ZNF875: variants seen among roughly 807,000 people sequenced by gnomAD.
The protein encoded by ZNF875 is HKR1, GLI-Kruppel zinc finger family member.
Under a neutral mutation model 11.2 loss-of-function variants are expected in ZNF875, and 14 were observed. The ratio of observed to expected loss-of-function variants is 1.26; its 90% CI spans 0.83 to 1.96. The LOEUF (loss-of-function observed/expected upper bound fraction) is 1.96. ZNF875 is among the 30% of genes most tolerant of loss of function. ZNF875 has a pLI of 0.00. For missense variants in ZNF875, 752 were observed against 760.4 expected, an observed-to-expected ratio of 0.99 and a Z score of 0.13; for synonymous variants, 301 against 281.1, an observed-to-expected ratio of 1.07 and a Z score of -0.71.
chr19:37,339,552 T>TG (rs1339244273), intron 2 of ZNF875, among the ~76,000 whole-genome samples: 1 of 147,054 alleles, frequency 6.8e-6, no homozygotes. Context: ...CAGTTTTTTT[T>TG]TTTTTTTTTT....
upstream of ZNF875, among the ~76,000 whole-genome samples, chr19:37,316,191 AT>A (rs758229265): frequency 6.6e-6 from 1 of 152,236 alleles, no homozygotes; most frequent in Non-Finnish European, 1.5e-5. Flanking sequence ...TGACAAGTCA[AT>A]TAAATTACAG....
upstream of ZNF875, chr19:37,317,825 T>C (rs1007066831): frequency 5.2e-5 from 8 of 152,546 alleles, no homozygotes; most frequent in Admixed American, 3.9e-4. Context: ...AAACAGACTG[T>C]CCGCCTACTA....
At chr19:37,327,028 T>C (rs1452286081) in intron 4 of ZNF875, among the ~76,000 whole-genome samples, 1 of 152,008 alleles carries the variant, frequency 6.6e-6, no homozygotes, top group African/African-American at 2.4e-5. Context: ...AGTCTTGCTC[T>C]GTCTCCCAGG....
chr19:37,357,411 G>A (rs542844481), intron 4 of ZNF875, among the ~76,000 whole-genome samples: 17 of 152,282 alleles, frequency 1.1e-4, no homozygotes, highest in African/African-American at 3.4e-4. Context: ...TGAATCTGTA[G>A]ATTGCTTTGG....
At chr19:37,350,026 G>T (rs1236301037) in intron 4 of ZNF875, among the ~76,000 whole-genome samples, 2 of 128,450 alleles carry the variant, frequency 1.6e-5, no homozygotes, top group Non-Finnish European at 3.2e-5. Flanking sequence ...GTGCAAAGGC[G>T]CAATCTCGGC....
At chr19:37,326,463 T>C (rs2032455727) in intron 4 of ZNF875, among the ~76,000 whole-genome samples, 1 of 152,178 alleles carries the variant, frequency 6.6e-6, no homozygotes, top group South Asian at 2.1e-4. Flanking sequence ...CTGTCTTACA[T>C]TCAAGGGTCA....
intron 2 of ZNF875, among the ~76,000 whole-genome samples, chr19:37,336,297 AT>A (rs34434733): frequency 0.27 from 33,097 of 124,206 alleles, 3,912 homozygotes; most frequent in African/African-American, 0.41. Context: ...TTAAGATTGA[AT>A]TTTTTTTTTT....
At chr19:37,333,574 A>T (rs1415919859), upstream of ZNF875, among the ~76,000 whole-genome samples, 1 of 152,066 alleles carries the variant, frequency 6.6e-6, no homozygotes, top group Non-Finnish European at 1.5e-5. Flanking sequence ...TATCTGCTTC[A>T]TGATAGGTCT....
upstream of ZNF875, chr19:37,334,609 C>G: frequency 4.5e-6 from 2 of 445,542 alleles, no homozygotes; most frequent in Non-Finnish European, 9.1e-6. Context: ...ACTTCCGCTC[C>G]CCTCCCTACC....
At chr19:37,313,215 AAAC>A (rs34323048), upstream of ZNF875, 1,959 of 149,346 alleles carry the variant, frequency 0.013, 33 homozygotes, top group African/African-American at 0.043. Context: ...GCCCCCCGCG[AAAC>A]AACAACAACA....
rs1412382613 is a variant in ZNF875, at chr19:37,340,405, AT to A, written c.33+5151del. Among the ~76,000 whole-genome samples the A allele has an allele frequency of 9.9e-5, 15 of 152,270 alleles. 1 individual carries two copies. Among genetic ancestry groups the A allele is most frequent in the Non-Finnish European group, 2.1e-4 (14 of 68,014 alleles). The stretch of plus-strand genomic sequence containing the variant: ...ACATGAAAGCTCACATAGTATCCTG[AT>A]TTGTTTCCAAATGTTGACATGGTCC... On this transcript the variant is annotated intron_variant, in intron 2 of 4. Transcript: ENST00000392153.
rs746472194 is a variant in ZNF875 at position 37,362,785 on chromosome 19, G to A, written c.933G>A (p.Val311=). ...CACACTCAGGGGAGAAACCTTATGT[G>A]TGCAAGGATTGTGGACGAGGCTTTA... The part of the protein sequence containing the change: ...QRTHSGEKPY[V]CKDCGRGFTW... The change falls in exon 5 of 5, where the codon GTG becomes GTA. Residue 311 remains valine, a synonymous_variant. Coordinates refer to ENST00000392153, the MANE Select transcript of ZNF875 (RefSeq NM_001353803.2). 6 of 1,608,734 alleles carry A rather than the reference G, an allele frequency of 3.7e-6. No individual in the cohort carries two copies. The South Asian group carries it at 4.4e-5, about 12-fold the overall frequency.
upstream of ZNF875, among the ~76,000 whole-genome samples, chr19:37,333,427 C>T (rs1397870612): frequency 6.6e-6 from 1 of 152,194 alleles, no homozygotes; most frequent in East Asian, 1.9e-4. Context: ...TCGGCTGATC[C>T]TCCTTCCTAA....
At chr19:37,325,020 T>G (rs1389509949) in intron 4 of ZNF875, 1 of 152,340 alleles carries the variant, frequency 6.6e-6, no homozygotes, top group African/African-American at 2.4e-5. Flanking sequence ...CCTCGTGATC[T>G]GCCCACCTCA....
At chr19:37,313,768 GTTGATTA>G (rs2030063528), upstream of ZNF875, among the ~76,000 whole-genome samples, 1 of 149,426 alleles carries the variant, frequency 6.7e-6, no homozygotes, top group East Asian at 2.0e-4. Flanking sequence ...GTGTGTGTGT[GTTGATTA>G]ATGGACTTAG....
intron 4 of ZNF875, chr19:37,328,690 T>A (rs1431290727): frequency 6.6e-6 from 1 of 152,178 alleles, no homozygotes; most frequent in East Asian, 1.9e-4. Context: ...GGTATTCTGT[T>A]ATAGCAACAC....
chr19:37,357,879 A>G (rs900568139), intron 4 of ZNF875: 3 of 398,080 alleles, frequency 7.5e-6, no homozygotes, highest in East Asian at 3.6e-5. Context: ...TCTGTCTTGC[A>G]TGATTGCTTT....
chr19:37,340,604 G>A (rs1235729348), intron 2 of ZNF875, among the ~76,000 whole-genome samples: 2 of 149,424 alleles, frequency 1.3e-5, no homozygotes, highest in African/African-American at 4.9e-5. Context: ...CAGTCTGAAA[G>A]TGTGTTTATT....
chr19:37,317,421 G>A (rs2030305893), upstream of ZNF875, among the ~76,000 whole-genome samples: 2 of 152,092 alleles, frequency 1.3e-5, no homozygotes, highest in African/African-American at 2.4e-5. Context: ...TGATCCGCCC[G>A]CATCCGCCTC....
Sources: gnomAD v4.1 joint callset for allele counts (sites outside exome capture counted in the v4.1 genomes callset) on GRCh38, gnomAD v4.1.1 for gene constraint, MANE v1.5 for transcripts, NCBI Gene and HGNC (gene_info 2026-07-23, HGNC 2026-07-21) for gene names.